The following CRKL variants were observed in gnomAD, a reference collection of about 807,000 sequenced individuals.
The protein encoded by CRKL is crk-like protein.
A neutral mutation model predicts 23.0 loss-of-function variants in CRKL; 3 were observed. The ratio of observed to expected loss-of-function variants is 0.13; its 90% CI spans 0.06 to 0.34. The LOEUF is 0.34. CRKL is among the 10% of genes least tolerant of loss of function. CRKL has a pLI of 1.00. For synonymous variants in CRKL, 188 were observed against 160.7 expected (o/e 1.17, Z -1.28); for missense variants, 256 against 394.5 (o/e 0.65, Z 2.97).
In CRKL at chr22:20,918,184, C is replaced by T. The variant is rs2147891979; in HGVS notation, c.250C>T (p.Leu84=). 1 of 1,614,162 alleles carries T rather than the reference C, an allele frequency of 6.2e-7. No homozygotes were observed. The highest frequency in any genetic ancestry group is 8.5e-7 in the Non-Finnish European group (1 of 1,180,042). The change falls in exon 1 of 3, where the codon CTG becomes TTG. Residue 84 remains leucine, a synonymous_variant. Coordinates refer to ENST00000354336, the MANE Select transcript of CRKL (RefSeq NM_005207.4). The part of the protein sequence containing the change: ...GDQEFDHLPA[L]LEFYKIHYLD... ...CCAGGAATTTGACCATTTGCCGGCC[C>T]TGCTGGAGTTTTACAAGATCCACTA...
chr22:20,938,157 T>C (rs187827504), intron 2 of CRKL, among the ~76,000 whole-genome samples: 4 of 152,320 alleles, frequency 2.6e-5, no homozygotes, highest in Admixed American at 1.3e-4. Context: ...TAGGACAAAA[T>C]GTGCTGATAA....
intron 2 of CRKL, among the ~76,000 whole-genome samples, chr22:20,938,687 TATC>T (rs1921751341): frequency 6.6e-6 from 1 of 152,380 alleles, no homozygotes; most frequent in East Asian, 1.9e-4. Context: ...CATGTAATAA[TATC>T]ATTCTCATTC....
intron 1 of CRKL, among the ~76,000 whole-genome samples, chr22:20,923,342 T>C (rs1379016867): frequency 6.6e-6 from 1 of 151,540 alleles, no homozygotes; most frequent in Non-Finnish European, 1.5e-5. Flanking sequence ...AGTGGCGGGA[T>C]CTTGGCTCAC....
At chr22:20,936,938 G>A (rs996211831) in intron 2 of CRKL, among the ~76,000 whole-genome samples, 1 of 151,414 alleles carries the variant, frequency 6.6e-6, no homozygotes, top group African/African-American at 2.4e-5. Flanking sequence ...TCAGCTCACT[G>A]CAACCTCTGC....
At position 20,918,060 on chromosome 22, in the gene CRKL, C is replaced by T. The variant is rs1929756463; in HGVS notation, c.126C>T (p.Ser42=). The change falls in exon 1 of 3, where the codon TCC becomes TCT. Residue 42 remains serine (S), a synonymous_variant. Transcript: ENST00000354336. ...GTATGTTCCTCGTCCGCGATTCTTC[C>T]ACCTGCCCTGGGGACTATGTGCTGT... is the stretch of plus-strand genomic sequence containing the variant. ...RHGMFLVRDS[S]TCPGDYVLSV... is the part of the protein sequence containing the mutation. The T allele has an allele frequency of 1.2e-6, 2 of 1,614,154 alleles. No homozygotes were observed. The highest frequency in any genetic ancestry group is 2.2e-5 in the South Asian group (2 of 91,092).
At position 20,950,863 on chromosome 22, in the gene CRKL, T is replaced by G. The variant is rs1330070298; in HGVS notation, c.*1018T>G. Reference sequence around the variant, plus strand: ...CCCTGAAGCAGAGGCCTTTATTGTCTTGGTTGCCAGTAGTACCTTGTTTTG... The same window carrying G: ...CCCTGAAGCAGAGGCCTTTATTGTCGTGGTTGCCAGTAGTACCTTGTTTTG... On this transcript the variant is annotated 3_prime_UTR_variant, in exon 3 of 3. Transcript: ENST00000354336. 5 of 231,524 alleles carry G rather than the reference T, an allele frequency of 2.2e-5. No individual in the cohort carries two copies. The highest frequency in any genetic ancestry group is 4.3e-5 in the Non-Finnish European group (5 of 117,052). The allele number at this position is 231,524 out of a possible 1,614,324, so 14.3% of individuals were successfully genotyped here.
chr22:20,943,919 C>A (rs983035434), intron 2 of CRKL, among the ~76,000 whole-genome samples: 1 of 152,146 alleles, frequency 6.6e-6, no homozygotes, highest in Non-Finnish European at 1.5e-5. Flanking sequence ...CATATGCCAG[C>A]ACCACACTGT....
chr22:20,926,153 A>G (rs1921194832), intron 1 of CRKL, among the ~76,000 whole-genome samples: 2 of 152,204 alleles, frequency 1.3e-5, no homozygotes, highest in African/African-American at 4.8e-5. Context: ...GTAAAGACAC[A>G]GTTATAATTA....
chr22:20,932,184 C>T (rs1317064846), intron 1 of CRKL, among the ~76,000 whole-genome samples: 1 of 152,058 alleles, frequency 6.6e-6, no homozygotes, highest in Non-Finnish European at 1.5e-5. Context: ...TCATAGCTCA[C>T]TGCAGCTTCT....
At chr22:20,922,006 C>CTTTT (rs66728040) in intron 1 of CRKL, among the ~76,000 whole-genome samples, 8 of 69,924 alleles carry the variant, frequency 1.1e-4, no homozygotes, top group Admixed American at 4.1e-4. Flanking sequence ...CTGCGCCCGG[C>CTTTT]TTTTTTTTTT....
chr22:20,947,494 C>T (rs773756680), intron 2 of CRKL, among the ~76,000 whole-genome samples: 8 of 151,914 alleles, frequency 5.3e-5, no homozygotes, highest in Non-Finnish European at 1.2e-4. Flanking sequence ...CATCTGCCAC[C>T]ACGCCTGGTG....
At chr22:20,923,870 G>T (rs1325730389) in intron 1 of CRKL, among the ~76,000 whole-genome samples, 2 of 151,198 alleles carry the variant, frequency 1.3e-5, no homozygotes, top group African/African-American at 2.4e-5. Context: ...AAGTCACCGC[G>T]CCTGGCTACT....
intron 1 of CRKL, among the ~76,000 whole-genome samples, chr22:20,933,433 G>A (rs1443909872): frequency 1.3e-5 from 2 of 151,878 alleles, no homozygotes; most frequent in Non-Finnish European, 2.9e-5. Flanking sequence ...TTGGGAGGCC[G>A]AGGTGCGTGG....
intron 1 of CRKL, among the ~76,000 whole-genome samples, chr22:20,918,523 T>G (rs1242976533): frequency 1.3e-5 from 2 of 152,084 alleles, no homozygotes; most frequent in Non-Finnish European, 2.9e-5. Flanking sequence ...AAATGCACGC[T>G]TTTTGCCTTT....
chr22:20,919,769 T>A (rs939429130), intron 1 of CRKL, among the ~76,000 whole-genome samples: 3 of 152,170 alleles, frequency 2.0e-5, no homozygotes, highest in Non-Finnish European at 2.9e-5. Context: ...GACCGGGTAT[T>A]ACTCTAAACT....
chr22:20,928,406 A>G (rs972272073), intron 1 of CRKL, among the ~76,000 whole-genome samples: 1 of 151,382 alleles, frequency 6.6e-6, no homozygotes, highest in Non-Finnish European at 1.5e-5. Context: ...ATAGTGAGCC[A>G]TGATCGTACT....
intron 2 of CRKL, among the ~76,000 whole-genome samples, chr22:20,948,757 G>GC (rs1372778805): frequency 1.3e-5 from 2 of 152,042 alleles, no homozygotes; most frequent in Admixed American, 6.6e-5. Context: ...ACCTCAGTCT[G>GC]CCAAGGACCT....
intron 2 of CRKL, among the ~76,000 whole-genome samples, chr22:20,935,603 T>C (rs1172432027): frequency 6.6e-6 from 1 of 150,744 alleles, no homozygotes; most frequent in Non-Finnish European, 1.5e-5. Context: ...CTTGGCTCAC[T>C]GCATCCTCCG....
intron 2 of CRKL, among the ~76,000 whole-genome samples, chr22:20,943,925 A>C (rs574946329): frequency 2.0e-5 from 3 of 152,224 alleles, no homozygotes; most frequent in African/African-American, 7.2e-5. Flanking sequence ...CCAGCACCAC[A>C]CTGTTGATTA....
Sources: gnomAD v4.1 joint callset for allele counts (sites outside exome capture counted in the v4.1 genomes callset) on GRCh38, gnomAD v4.1.1 for gene constraint, MANE v1.5 for transcripts, NCBI Gene and HGNC (gene_info 2026-07-23, HGNC 2026-07-21) for gene names.